CNTNAP4: variants seen among roughly 807,000 people sequenced by gnomAD.
CNTNAP4 encodes the protein contactin associated protein family member 4.
CNTNAP4 carries 98 observed loss-of-function variants against 148.4 expected under a neutral mutation model. The observed-to-expected ratio is 0.66, with a 90% CI of 0.56 to 0.78. The LOEUF (loss-of-function observed/expected upper bound fraction) is 0.78. CNTNAP4 is among the 30% of genes least tolerant of loss of function. The pLI, the probability that CNTNAP4 is intolerant of heterozygous loss-of-function variation, is 0.00. For missense variants in CNTNAP4, 1,935 were observed against 1,565.6 expected, an observed-to-expected ratio of 1.24 and a Z score of -3.98; for synonymous variants, 730 against 565.1, an observed-to-expected ratio of 1.29 and a Z score of -4.14.
intron 3 of CNTNAP4, among the ~76,000 whole-genome samples, chr16:76,379,243 G>A (rs1049038157): frequency 6.6e-6 from 1 of 152,132 alleles, no homozygotes; most frequent in Non-Finnish European, 1.5e-5. Flanking sequence ...AATCATGGTT[G>A]TTGGCTGTGG....
intron 3 of CNTNAP4, among the ~76,000 whole-genome samples, chr16:76,401,753 G>C (rs2078425713): frequency 6.6e-6 from 1 of 152,126 alleles, no homozygotes; most frequent in Admixed American, 6.6e-5. Context: ...TAACTTGAAA[G>C]GATGTTGAAT....
intron 21 of CNTNAP4, among the ~76,000 whole-genome samples, chr16:76,549,986 G>C (rs936124314): frequency 1.2e-4 from 19 of 152,124 alleles, no homozygotes; most frequent in African/African-American, 4.6e-4. Context: ...AGAATACTGA[G>C]ATAAGATACA....
chr16:76,555,091 G>C (rs2085138388), intron 23 of CNTNAP4, among the ~76,000 whole-genome samples: 1 of 152,040 alleles, frequency 6.6e-6, no homozygotes, highest in African/African-American at 2.4e-5. Flanking sequence ...AAAGAAAGGT[G>C]AACCACTTAA....
At chr16:76,280,936 C>A (rs916731527) in intron 1 of CNTNAP4, among the ~76,000 whole-genome samples, 1 of 152,074 alleles carries the variant, frequency 6.6e-6, no homozygotes, top group African/African-American at 2.4e-5. Flanking sequence ...TTAACTCTTG[C>A]AGATTATGTG....
intron 3 of CNTNAP4, among the ~76,000 whole-genome samples, chr16:76,372,361 G>A (rs2014937817): frequency 2.0e-5 from 3 of 151,376 alleles, no homozygotes; most frequent in African/African-American, 7.3e-5. Context: ...TGTTAGCCAG[G>A]ATGGTCTCGA....
At chr16:76,437,322 T>G (rs2079868774) in intron 4 of CNTNAP4, among the ~76,000 whole-genome samples, 1 of 152,110 alleles carries the variant, frequency 6.6e-6, no homozygotes, top group East Asian at 1.9e-4. Flanking sequence ...ACACCCAGGA[T>G]CAATACTTTG....
intron 1 of CNTNAP4, among the ~76,000 whole-genome samples, chr16:76,293,819 C>CT (rs1209734206): frequency 0.038 from 5,225 of 137,268 alleles, 245 homozygotes; most frequent in African/African-American, 0.12. Flanking sequence ...GAACAAGCTG[C>CT]TTTTTTTTTT....
At chr16:76,299,016 A>G (rs1036618490) in intron 1 of CNTNAP4, among the ~76,000 whole-genome samples, 4 of 152,176 alleles carry the variant, frequency 2.6e-5, no homozygotes, top group Non-Finnish European at 4.4e-5. Flanking sequence ...AAAGACTTAA[A>G]TGTTAGATCT....
intron 21 of CNTNAP4, among the ~76,000 whole-genome samples, chr16:76,551,829 T>C (rs1227220146): frequency 6.6e-6 from 1 of 152,226 alleles, no homozygotes; most frequent in Non-Finnish European, 1.5e-5. Flanking sequence ...GGAACGTAGA[T>C]TCAAGTTGCC....
At chr16:76,473,777 C>T (rs577119948) in intron 10 of CNTNAP4, among the ~76,000 whole-genome samples, 1 of 151,854 alleles carries the variant, frequency 6.6e-6, no homozygotes, top group South Asian at 2.1e-4. Flanking sequence ...CCATCCCAAA[C>T]AAATAAAAAT....
chr16:76,382,179 T>A (rs372474065), intron 3 of CNTNAP4, among the ~76,000 whole-genome samples: 379 of 152,102 alleles, frequency 2.5e-3, no homozygotes, highest in Non-Finnish European at 4.0e-3. Flanking sequence ...TTTTCAGATT[T>A]TACTGTAGAG....
At chr16:76,361,015 G>A (rs960252968) in intron 3 of CNTNAP4, among the ~76,000 whole-genome samples, 2 of 151,666 alleles carry the variant, frequency 1.3e-5, no homozygotes, top group Non-Finnish European at 2.9e-5. Flanking sequence ...GGTAGATACG[G>A]GGTTTCACCA....
At chr16:76,391,960 T>G (rs1165728915) in intron 3 of CNTNAP4, among the ~76,000 whole-genome samples, 1 of 152,086 alleles carries the variant, frequency 6.6e-6, no homozygotes. Context: ...ATGTATCAAA[T>G]TATTCAATAT....
intron 2 of CNTNAP4, among the ~76,000 whole-genome samples, chr16:76,325,444 T>C (rs1296970531): frequency 1.3e-5 from 2 of 152,148 alleles, no homozygotes; most frequent in Non-Finnish European, 2.9e-5. Context: ...AGGATTGAAA[T>C]CATACAGAGT....
At chr16:76,331,229 C>G (rs959225358) in intron 2 of CNTNAP4, among the ~76,000 whole-genome samples, 2 of 151,628 alleles carry the variant, frequency 1.3e-5, no homozygotes, top group Non-Finnish European at 2.9e-5. Context: ...GCTCTGTTGC[C>G]CAGGCTGGAG....
intron 19 of CNTNAP4, among the ~76,000 whole-genome samples, chr16:76,539,498 G>T (rs569665231): frequency 9.2e-5 from 14 of 152,090 alleles, no homozygotes; most frequent in African/African-American, 3.4e-4. Context: ...TAAAAGATTT[G>T]CAGGAAAGAG....
chr16:76,478,416 G>A (rs2081674246), intron 11 of CNTNAP4, among the ~76,000 whole-genome samples: 1 of 152,160 alleles, frequency 6.6e-6, no homozygotes, highest in African/African-American at 2.4e-5. Context: ...AAATAAAACT[G>A]TCACACTGTG....
chr16:76,495,039 G>A lies in CNTNAP4; in HGVS notation c.2210G>A (p.Cys737Tyr). ...AACTGCATTGATTCTCAGTATTACT[G>A]CAATTGTGATGCTGACCGGAATGAA... is the stretch of plus-strand genomic sequence containing the variant. ...EGNCIDSQYY[C>Y]NCDADRNEWT... The change falls in exon 14 of 24, where the codon TGC becomes TAC. Residue 737 changes from cysteine (C) to tyrosine (Y), a missense_variant. By Grantham distance (194) the Cys-to-Tyr change is radical. Transcript: ENST00000611870. 1 of 1,613,320 alleles carries A rather than the reference G, an allele frequency of 6.2e-7. No homozygotes were observed. Among genetic ancestry groups the A allele is most frequent in the Non-Finnish European group, 8.5e-7 (1 of 1,179,446 alleles).
chr16:76,366,827 T>G (rs1220993312), intron 3 of CNTNAP4, among the ~76,000 whole-genome samples: 1 of 152,142 alleles, frequency 6.6e-6, no homozygotes, highest in African/African-American at 2.4e-5. Flanking sequence ...AAAAGAACTA[T>G]TTAGAATATT....
Sources: allele counts gnomAD v4.1 joint callset (sites outside exome capture counted in the v4.1 genomes callset), GRCh38; gene constraint gnomAD v4.1.1; transcripts MANE v1.5; gene names NCBI Gene and HGNC (gene_info 2026-07-23, HGNC 2026-07-21).